FNDC1: variants seen among roughly 807,000 people sequenced by gnomAD.
FNDC1 encodes fibronectin type III domain-containing protein 1.
FNDC1 carries 96 observed loss-of-function variants against 168.0 expected under a neutral mutation model. The observed-to-expected ratio is 0.57, with a 90% confidence interval of 0.48 to 0.68. The LOEUF (loss-of-function observed/expected upper bound fraction) is 0.68. Ranked by LOEUF, FNDC1 falls within the 30% of genes least tolerant of loss-of-function variation. The pLI is 0.00. For missense variants in FNDC1, 2,587 were observed against 2,482.1 expected (o/e 1.04, Z -0.90); for synonymous variants, 1,099 against 1,025.9 (o/e 1.07, Z -1.36).
intron 2 of FNDC1, among the ~76,000 whole-genome samples, chr6:159,199,006 TG>T (rs1472166808): frequency 1.3e-5 from 2 of 152,272 alleles, no homozygotes; most frequent in Non-Finnish European, 2.9e-5. Flanking sequence ...CATGGGCCTC[TG>T]GCTTGAGGAC....
At chr6:159,185,491 C>T (rs1047237495) in intron 1 of FNDC1, among the ~76,000 whole-genome samples, 1 of 152,198 alleles carries the variant, frequency 6.6e-6, no homozygotes, top group Non-Finnish European at 1.5e-5. Flanking sequence ...TTATCTCATT[C>T]ACCAGTAAAC....
intron 7 of FNDC1, among the ~76,000 whole-genome samples, chr6:159,224,581 A>G (rs1782912961): frequency 6.6e-6 from 1 of 152,154 alleles, no homozygotes; most frequent in Non-Finnish European, 1.5e-5. Context: ...ACCTCAGAAG[A>G]TTCGTAGCAA....
intron 16 of FNDC1, among the ~76,000 whole-genome samples, chr6:159,250,236 A>G (rs75391241): frequency 0.053 from 8,024 of 152,328 alleles, 242 homozygotes; most frequent in Middle Eastern, 0.099. Flanking sequence ...CAAGTTCTAA[A>G]GGCCTAGCTT....
intron 10 of FNDC1, among the ~76,000 whole-genome samples, chr6:159,230,954 G>GTT (rs66493005): frequency 0.38 from 56,944 of 151,664 alleles, 13,457 homozygotes; most frequent in African/African-American, 0.65. Context: ...TATCCCAGGA[G>GTT]TTTTTTTTAT....
Position 159,231,969 on chromosome 6 carries a change from C to T in FNDC1, c.1457C>T (p.Ala486Val). ...TCCTCACCTTCTCCCAGAGCTCCAG[C>T]TTCCTCCCAACACCCCTCTGTGCCT... ...EPSSPSPRAP[A>V]SSQHPSVPAS... Residue 486 changes from alanine (A) to valine (V), a missense_variant, in exon 11 of 23, where the codon GCT becomes GTT. Coordinates refer to ENST00000297267, the MANE Select transcript of FNDC1 (RefSeq NM_032532.3). 6.2e-7 allele frequency: 1 copy of T among 1,614,022 alleles called. No homozygotes were observed. The highest frequency in any genetic ancestry group is 8.5e-7 in the Non-Finnish European group (1 of 1,179,898).
chr6:159,189,984 G>A (rs1318381311), intron 1 of FNDC1, among the ~76,000 whole-genome samples: 1 of 152,218 alleles, frequency 6.6e-6, no homozygotes, highest in East Asian at 1.9e-4. Context: ...TCAGCCTGGA[G>A]GTCAGCTTGA....
chr6:159,172,348 C>T (rs190526284), intron 1 of FNDC1, among the ~76,000 whole-genome samples: 203 of 152,132 alleles, frequency 1.3e-3, no homozygotes, highest in Non-Finnish European at 1.4e-3. Flanking sequence ...GGTATTTGGC[C>T]GATGTTTTCT....
rs1188441803 is a variant in FNDC1, at chr6:159,234,292, A to G, written c.3780A>G (p.Arg1260=). The change falls in exon 11 of 23, where the codon CGA becomes CGG. Residue 1260 remains arginine (R), a synonymous_variant. Transcript: ENST00000297267. The part of the protein sequence containing the change: ...SSPRASHVPS[R]LPPRSAATVS... Reference sequence around the variant, plus strand: ...CCAGGGCCTCCCACGTCCCTTCCCGACTGCCGCCTCGCAGCGCTGCCACCG... The same window carrying G: ...CCAGGGCCTCCCACGTCCCTTCCCGGCTGCCGCCTCGCAGCGCTGCCACCG... The G allele has an allele frequency of 1.5e-5, 24 of 1,602,872 alleles. No individual in the cohort carries two copies. Among genetic ancestry groups the G allele is most frequent in the Non-Finnish European group, 1.8e-5 (21 of 1,175,074 alleles).
intron 5 of FNDC1, among the ~76,000 whole-genome samples, chr6:159,215,689 G>A (rs1782695403): frequency 6.6e-6 from 1 of 152,186 alleles, no homozygotes; most frequent in African/African-American, 2.4e-5. Flanking sequence ...GCAGGCTGAG[G>A]AGTAAGGAGA....
Position 159,271,707 on chromosome 6 carries a change from A to C in FNDC1, c.*265A>C, listed in dbSNP as rs1411835994. 3.2e-6 allele frequency: 1 copy of C among 309,522 alleles called. No individual in the cohort carries two copies. The highest frequency in any genetic ancestry group is 6.1e-6 in the Non-Finnish European group (1 of 163,264). 19.2% of individuals were successfully genotyped at this position (309,522 alleles called of 1,614,324 possible). A position where few individuals can be genotyped will look rare whatever the true frequency, so the allele number is the denominator to read the frequency against. On this transcript the variant is annotated 3_prime_UTR_variant, in exon 23 of 23. Coordinates refer to ENST00000297267, the MANE Select transcript of FNDC1 (RefSeq NM_032532.3). The stretch of plus-strand genomic sequence containing the variant: ...GTTTGTAATAGCACATCCCAGAGAC[A>C]TCAGAAACCAGCAACTGATTCAGTG...
Position 159,221,685 on chromosome 6 carries a change from G to A in FNDC1, c.755G>A (p.Arg252Gln), listed in dbSNP as rs756842140. Reference sequence around the variant, plus strand: ...GTCTACAGGGCTGCCCTAACAAAGCGAAAGATTTCAGGTATGTTTCTAAGG... The same window carrying A: ...GTCTACAGGGCTGCCCTAACAAAGCAAAAGATTTCAGGTATGTTTCTAAGG... ...QPVYRAALTK[R>Q]KISEEDELDV... The change falls in exon 6 of 23, where the codon CGA becomes CAA. Residue 252 changes from arginine to glutamine, a missense_variant. Transcript: ENST00000297267. 28 of 1,613,448 alleles carry A rather than the reference G, an allele frequency of 1.7e-5. No individual in the cohort carries two copies. The highest frequency in any genetic ancestry group is 2.7e-5 in the African/African-American group (2 of 74,926).
At position 159,199,983 on chromosome 6, in the gene FNDC1, C is replaced by T; in HGVS notation, c.305-13C>T. 6.3e-7 allele frequency: 1 copy of T among 1,595,380 alleles called. No homozygotes were observed. Among genetic ancestry groups the T allele is most frequent in the Non-Finnish European group, 8.5e-7 (1 of 1,169,684 alleles). ...ATCTGAATTGGTGGCTTGATATGAA[C>T]CGTATGTTTCAGAGCCGGGGGTAGT... On this transcript the variant is annotated splice_polypyrimidine_tract_variant and intron_variant, in intron 2 of 22. Transcript: ENST00000297267.
chr6:159,247,852 T>C (rs1777170422), intron 15 of FNDC1, among the ~76,000 whole-genome samples: 1 of 152,250 alleles, frequency 6.6e-6, no homozygotes, highest in South Asian at 2.1e-4. Context: ...TAGGACCTTG[T>C]GATTGTTTTG....
rs543595526 is a variant in FNDC1 at position 159,223,040 on chromosome 6, G to T, written c.767-488G>T. ...GGTGGAGTTTTCGCTCTGTTGCCCA[G>T]GCTGGAGTGCAGTGGCATGATCTCG... On this transcript the variant is annotated intron_variant, in intron 6 of 22. Coordinates refer to ENST00000297267, the MANE Select transcript of FNDC1 (RefSeq NM_032532.3). Among the ~76,000 whole-genome samples, 8 of 143,960 alleles carry T rather than the reference G, an allele frequency of 5.6e-5. No homozygotes were observed. In the South Asian group the frequency reaches 1.1e-3, roughly 20 times the overall value. The allele number at this position is 143,960 out of a possible 152,430, so 94.4% of individuals were successfully genotyped here.
chr6:159,213,541 C>T (rs1021198272), intron 4 of FNDC1, among the ~76,000 whole-genome samples: 2 of 152,176 alleles, frequency 1.3e-5, no homozygotes, highest in Admixed American at 1.3e-4. Context: ...TTTCCATCCC[C>T]AGACACACGG....
Position 159,267,796 on chromosome 6 carries a change from T to C in FNDC1, c.5447-8T>C. On this transcript the variant is annotated splice_polypyrimidine_tract_variant and splice_region_variant and intron_variant, in intron 21 of 22. Coordinates refer to ENST00000297267, the MANE Select transcript of FNDC1 (RefSeq NM_032532.3). The stretch of plus-strand genomic sequence containing the variant: ...CTAGTCATGGACTCAATCAATTCCT[T>C]CATGCAGATACATTCTACAGCATTG... The C allele has an allele frequency of 6.2e-7, 1 of 1,613,690 alleles. No homozygotes were observed. Among genetic ancestry groups the C allele is most frequent in the Non-Finnish European group, 8.5e-7 (1 of 1,179,776 alleles).
At chr6:159,173,641 C>T (rs1409055523) in intron 1 of FNDC1, among the ~76,000 whole-genome samples, 3 of 152,150 alleles carry the variant, frequency 2.0e-5, no homozygotes. Context: ...AAGGCCCGTT[C>T]CCTGAAAACA....
chr6:159,266,051 T>C (rs1777585753), intron 20 of FNDC1, 33 bp from the exon 21 acceptor site: 1 of 1,610,144 alleles, frequency 6.2e-7, no homozygotes, highest in Admixed American at 1.7e-5. Context: ...TGTGGAGTGC[T>C]TACCCTTAGC....
At chr6:159,195,435 C>G (rs1782223435) in intron 1 of FNDC1, among the ~76,000 whole-genome samples, 1 of 151,958 alleles carries the variant, frequency 6.6e-6, no homozygotes, top group Non-Finnish European at 1.5e-5. Context: ...GGGTGGTAAA[C>G]AGCTCTGGAG....
Sources: gnomAD v4.1 joint callset for allele counts (sites outside exome capture counted in the v4.1 genomes callset) on GRCh38, gnomAD v4.1.1 for gene constraint, MANE v1.5 for transcripts, NCBI Gene and HGNC (gene_info 2026-07-23, HGNC 2026-07-21) for gene names.